Variants in PDXDC1 observed in about 807,000 individuals in gnomAD.
PDXDC1 encodes pyridoxal-dependent decarboxylase domain-containing protein 1.
PDXDC1 carries 42 observed loss-of-function variants against 100.1 expected under a neutral mutation model. That is an observed-to-expected ratio of 0.42 (90% CI 0.33 to 0.54). PDXDC1 has a LOEUF of 0.54. Ranked by LOEUF, PDXDC1 falls within the 20% of genes least tolerant of loss-of-function variation. PDXDC1 has a pLI of 0.10. For synonymous variants in PDXDC1, 260 were observed against 371.7 expected, an observed-to-expected ratio of 0.70 and a Z score of 3.46; for missense variants, 636 against 979.2, an observed-to-expected ratio of 0.65 and a Z score of 4.68.
intron 16 of PDXDC1, chr16:15,061,856 T>A (rs1484097090): frequency 6.2e-7 from 1 of 1,613,846 alleles, no homozygotes; most frequent in South Asian, 1.1e-5. Context: ...GGTATCATTC[T>A]GGGGCACTTC....
intron 1 of PDXDC1, among the ~76,000 whole-genome samples, chr16:14,992,224 A>C (rs1270340966): frequency 6.6e-6 from 1 of 152,298 alleles, no homozygotes; most frequent in Non-Finnish European, 1.5e-5. Context: ...TTTAGGAAAA[A>C]AGGCATCAGT....
intron 16 of PDXDC1, chr16:15,062,021 A>G: frequency 9.3e-7 from 1 of 1,071,038 alleles, no homozygotes; most frequent in African/African-American, 1.6e-5. Context: ...AAATATCTTA[A>G]TTTCAAAAGA....
chr16:15,141,090 T>C (rs1236113325), downstream of PDXDC1, among the ~76,000 whole-genome samples: 1 of 123,284 alleles, frequency 8.1e-6, no homozygotes, highest in Non-Finnish European at 1.7e-5. Context: ...TGCCAGTCCC[T>C]GCCACCCTCC....
intron 1 of PDXDC1, among the ~76,000 whole-genome samples, chr16:14,980,076 CTGATGGGACTCGGCCA>C (rs1360681820): frequency 6.6e-6 from 1 of 152,282 alleles, no homozygotes; most frequent in Non-Finnish European, 1.5e-5. Flanking sequence ...TCAGGGAAAA[CTGATGGGACTCGGCCA>C]TAGTACAAAG....
chr16:15,076,145 C>A (rs2151790000), intron 16 of PDXDC1, among the ~76,000 whole-genome samples: 1 of 152,286 alleles, frequency 6.6e-6, no homozygotes, highest in African/African-American at 2.4e-5. Context: ...GTCCCAAGGG[C>A]ACCTGAATCC....
intron 22 of PDXDC1, 76 bp from the exon 23 acceptor site, chr16:15,035,940 A>G: frequency 2.1e-6 from 3 of 1,415,306 alleles, no homozygotes; most frequent in Non-Finnish European, 2.9e-6. Flanking sequence ...TAAAGCAATT[A>G]TCTGTTGCAG....
chr16:15,014,322 A>G (rs2041614967), intron 8 of PDXDC1, among the ~76,000 whole-genome samples: 1 of 152,286 alleles, frequency 6.6e-6, no homozygotes, highest in African/African-American at 2.4e-5. Flanking sequence ...CCCATATTCA[A>G]TCACATGATA....
downstream of PDXDC1, among the ~76,000 whole-genome samples, chr16:15,143,668 G>A (rs1199727332): frequency 6.6e-6 from 1 of 152,206 alleles, no homozygotes; most frequent in African/African-American, 2.4e-5. Flanking sequence ...CCTGGGCCGG[G>A]GGAGCCGGGG....
At chr16:15,136,418 A>T (rs2048348062) in intron 16 of PDXDC1, 2 of 601,710 alleles carry the variant, frequency 3.3e-6, no homozygotes, top group Middle Eastern at 4.4e-4. Flanking sequence ...CAGAGCTGAC[A>T]GGAACGGCCC....
At chr16:15,039,939 A>G, downstream of PDXDC1, 1 of 1,287,886 alleles carries the variant, frequency 7.8e-7, no homozygotes, top group Non-Finnish European at 1.1e-6. Flanking sequence ...TTTTTTTTTA[A>G]CCCCTTAACA....
chr16:15,020,429 G>A (rs552333267), intron 12 of PDXDC1, among the ~76,000 whole-genome samples: 2 of 152,372 alleles, frequency 1.3e-5, no homozygotes, highest in East Asian at 1.9e-4. Context: ...AGTGGCTCAC[G>A]CCTGTAATCC....
At chr16:15,009,327 T>A (rs1259736488) in intron 7 of PDXDC1, 1 of 356,024 alleles carries the variant, frequency 2.8e-6, no homozygotes, top group Non-Finnish European at 4.8e-6. Context: ...TTTGTCAAGG[T>A]AGTTTTATTT....
intron 16 of PDXDC1, chr16:15,133,181 C>G (rs1023328526): frequency 1.0e-6 from 1 of 1,004,426 alleles, no homozygotes; most frequent in Non-Finnish European, 1.5e-6. Context: ...ATAAGCCCTC[C>G]GCAAAGCTCC....
chr16:15,023,717 G>T (rs1235959099), intron 13 of PDXDC1, among the ~76,000 whole-genome samples: 5 of 152,282 alleles, frequency 3.3e-5, no homozygotes, highest in African/African-American at 1.2e-4. Flanking sequence ...CTTCTGAGTG[G>T]GAGTCTGGAG....
In PDXDC1 at chr16:15,036,288, G is replaced by A; in HGVS notation, c.*13G>A. The A allele has an allele frequency of 6.2e-7, 1 of 1,608,490 alleles. No individual in the cohort carries two copies. The highest frequency in any genetic ancestry group is 8.5e-7 in the Non-Finnish European group (1 of 1,175,746). The stretch of plus-strand genomic sequence containing the variant: ...GAGCTTAAGATGAGACTCATTGTGT[G>A]GTTTGAGACTGTACTGAGTATTGTT... On this transcript the variant is annotated 3_prime_UTR_variant, in exon 23 of 23. Transcript: ENST00000396410.
chr16:15,023,849 C>T (rs2042384633), intron 13 of PDXDC1, among the ~76,000 whole-genome samples: 1 of 152,286 alleles, frequency 6.6e-6, no homozygotes, highest in African/African-American at 2.4e-5. Flanking sequence ...AGCAGTGCCA[C>T]AGGGTGGCCC....
rs537779033 is a variant in PDXDC1 at position 14,977,326 on chromosome 16, C to T, written c.21+2106C>T. Reference sequence around the variant, plus strand: ...AGGGAGTCTCGGTCTCTTGCCCAGGCTGGAGTGCAGTGAGGCGATCTCGGA... The same window carrying T: ...AGGGAGTCTCGGTCTCTTGCCCAGGTTGGAGTGCAGTGAGGCGATCTCGGA... On this transcript the variant is annotated intron_variant, in intron 1 of 22. Transcript: ENST00000396410. 1.8e-3 allele frequency among the ~76,000 whole-genome samples: 224 copies of T among 123,572 alleles called. 1 individual carries two copies. Among genetic ancestry groups the T allele is most frequent in the African/African-American group, 6.7e-3 (218 of 32,414 alleles). The allele number at this position is 123,572 out of a possible 152,430, so 81.1% of individuals were successfully genotyped here.
At chr16:15,119,417 GTT>G (rs371785165) in intron 16 of PDXDC1, among the ~76,000 whole-genome samples, 1 of 137,904 alleles carries the variant, frequency 7.3e-6, no homozygotes, top group African/African-American at 2.6e-5. Context: ...AATTTTTTTT[GTT>G]TTTTTTTTTT....
Position 15,036,504 on chromosome 16 carries a change from T to G in PDXDC1, c.*229T>G. The G allele has an allele frequency of 3.7e-6, 2 of 539,958 alleles. No homozygotes were observed. Among genetic ancestry groups the G allele is most frequent in the Non-Finnish European group, 3.2e-6 (1 of 307,798 alleles). The allele number at this position is 539,958 out of a possible 1,614,324, so 33.4% of individuals were successfully genotyped here. A position where few individuals can be genotyped will look rare whatever the true frequency, so the allele number is the denominator to read the frequency against. On this transcript the variant is annotated 3_prime_UTR_variant, in exon 23 of 23. Transcript: ENST00000396410. ...TTGCTGTCCTACTACGACTTTTCCC[T>G]AAGTTACCATAAACACATTTTATTC... is the stretch of plus-strand genomic sequence containing the variant.
Sources: allele counts gnomAD v4.1 joint callset (sites outside exome capture counted in the v4.1 genomes callset), GRCh38; gene constraint gnomAD v4.1.1; transcripts MANE v1.5; gene names NCBI Gene and HGNC (gene_info 2026-07-23, HGNC 2026-07-21).